The following ITSN2 variants were observed in gnomAD, a reference collection of about 807,000 sequenced individuals.
ITSN2 encodes intersectin-2.
Under a neutral mutation model 243.7 loss-of-function variants are expected in ITSN2, and 156 were observed. The observed-to-expected ratio is 0.64, with a 90% CI of 0.56 to 0.73. ITSN2 has a LOEUF of 0.73. ITSN2 is among the 30% of genes least tolerant of loss of function. The pLI is 0.00. For missense variants in ITSN2, 1,801 were observed against 1,996.1 expected, an observed-to-expected ratio of 0.90 and a Z score of 1.86; for synonymous variants, 703 against 699.9, an observed-to-expected ratio of 1.00 and a Z score of -0.07.
chr2:24,207,896 C>A (rs1045535507), intron 37 of ITSN2, among the ~76,000 whole-genome samples: 3 of 151,666 alleles, frequency 2.0e-5, no homozygotes, highest in Admixed American at 6.6e-5. Context: ...TGAAGGGAGA[C>A]AGACCACAGG....
intron 1 of ITSN2, among the ~76,000 whole-genome samples, chr2:24,354,900 G>C (rs1471602022): frequency 6.6e-6 from 1 of 152,148 alleles, no homozygotes; most frequent in Admixed American, 6.6e-5. Context: ...AGCTCCACAA[G>C]TAAATAAATC....
chr2:24,220,139 C>T (rs1269792672), intron 30 of ITSN2, among the ~76,000 whole-genome samples: 3 of 152,302 alleles, frequency 2.0e-5, no homozygotes, highest in Admixed American at 6.5e-5. Context: ...GGGGAACAGA[C>T]GCAGAAGGAC....
intron 29 of ITSN2, among the ~76,000 whole-genome samples, chr2:24,245,422 C>T (rs1479632971): frequency 6.6e-6 from 1 of 151,244 alleles, no homozygotes; most frequent in Non-Finnish European, 1.5e-5. Flanking sequence ...AATGTAATGG[C>T]TTCTGTACAC....
In ITSN2 at chr2:24,211,555, A is replaced by G. The variant is rs2111882; in HGVS notation, c.4090-608T>C. ...GTGTGTGGTCCCTCCAGAAATTAGGAGCCATCACCAGATGCCCCGTCTGGA... is the reference window on the plus strand; with the variant it reads ...GTGTGTGGTCCCTCCAGAAATTAGGGGCCATCACCAGATGCCCCGTCTGGA... On this transcript the variant is annotated intron_variant, in intron 33 of 39. Transcript: ENST00000355123. The surrounding 1 kb of genome is among the most constrained non-coding windows in gnomAD (Gnocchi z 4.1). Among the ~76,000 whole-genome samples the G allele has an allele frequency of 0.67, 101,784 of 152,074 alleles. 34,411 individuals are homozygous for G. Among genetic ancestry groups the G allele is most frequent in the East Asian group, 0.77 (4,005 of 5,172 alleles).
intron 22 of ITSN2, among the ~76,000 whole-genome samples, chr2:24,259,471 A>G (rs753660840): frequency 2.0e-5 from 3 of 152,230 alleles, no homozygotes; most frequent in South Asian, 2.1e-4. Flanking sequence ...AACATACACA[A>G]TAACTCCACT....
At chr2:24,286,390 G>T (rs373691138) in intron 15 of ITSN2, 39 bp from the exon 16 acceptor site, 3 of 1,585,018 alleles carry the variant, frequency 1.9e-6, no homozygotes, top group Non-Finnish European at 2.6e-6. Flanking sequence ...TTTTGCAGAA[G>T]TTCGTATGTC....
At chr2:24,240,492 TC>T (rs1399262585) in intron 29 of ITSN2, 1 of 152,188 alleles carries the variant, frequency 6.6e-6, no homozygotes, top group Non-Finnish European at 1.5e-5. Flanking sequence ...TCTCCCTACA[TC>T]CTAATAATGT....
chr2:24,292,906 T>A (rs1680446218), intron 15 of ITSN2, among the ~76,000 whole-genome samples: 1 of 152,246 alleles, frequency 6.6e-6, no homozygotes, highest in Non-Finnish European at 1.5e-5. Context: ...TATTGAACTT[T>A]GTAAACAGCC....
At position 24,322,880 on chromosome 2, in the gene ITSN2, TC is replaced by T. The variant is rs573158586; in HGVS notation, c.31+5171del. Among the ~76,000 whole-genome samples the T allele has an allele frequency of 6.1e-4, 86 of 141,910 alleles. 1 individual carries two copies. Among genetic ancestry groups the T allele is most frequent in the Middle Eastern group, 3.5e-3 (1 of 284 alleles). 93.1% of individuals were successfully genotyped at this position (141,910 alleles called of 152,430 possible). On this transcript the variant is annotated intron_variant, in intron 2 of 39. Transcript: ENST00000355123. ...ATTCAACTCAAAAATTAGAAAATAA[TC>T]CCCCCCCTCAAAAAAAAGGAACAAA...
At position 24,325,485 on chromosome 2, in the gene ITSN2, G is replaced by A. The variant is rs141985062; in HGVS notation, c.31+2567C>T. On this transcript the variant is annotated intron_variant, in intron 2 of 39. Coordinates refer to ENST00000355123, the MANE Select transcript of ITSN2 (RefSeq NM_006277.3). ...AGCCAATTTTAAAATAGTTAATTCA[G>A]TCCTGGCTTTCTTATTTAAATATAT... Among the ~76,000 whole-genome samples the A allele has an allele frequency of 1.5e-3, 228 of 151,914 alleles. 1 individual carries two copies. Among genetic ancestry groups the A allele is most frequent in the African/African-American group, 5.2e-3 (214 of 41,200 alleles).
intron 30 of ITSN2, chr2:24,220,361 T>A (rs1216423707): frequency 1.0e-6 from 1 of 985,230 alleles, no homozygotes; most frequent in African/African-American, 1.7e-5. Flanking sequence ...CAAGCACAAA[T>A]CATTTTAAAG....
At chr2:24,289,965 C>T (rs1001767753) in intron 15 of ITSN2, among the ~76,000 whole-genome samples, 1 of 152,066 alleles carries the variant, frequency 6.6e-6, no homozygotes. Context: ...CATAAATGGC[C>T]TTTATTATGT....
chr2:24,351,715 T>C (rs545638776), intron 1 of ITSN2, among the ~76,000 whole-genome samples: 1 of 152,326 alleles, frequency 6.6e-6, no homozygotes, highest in South Asian at 2.1e-4. Flanking sequence ...CATCCCTTTG[T>C]CCAGGGTGTA....
intron 16 of ITSN2, among the ~76,000 whole-genome samples, chr2:24,285,050 C>A (rs1013539268): frequency 1.3e-5 from 2 of 152,030 alleles, no homozygotes; most frequent in Non-Finnish European, 2.9e-5. Flanking sequence ...GCGCATGCCA[C>A]TACGCCCAGC....
intron 1 of ITSN2, among the ~76,000 whole-genome samples, chr2:24,336,848 A>G (rs1441139102): frequency 6.6e-6 from 1 of 152,146 alleles, no homozygotes; most frequent in Non-Finnish European, 1.5e-5. Context: ...TTCCAAAGAA[A>G]ACACTCGATA....
At chr2:24,222,116 G>T (rs2151153923) in intron 29 of ITSN2, among the ~76,000 whole-genome samples, 1 of 152,216 alleles carries the variant, frequency 6.6e-6, no homozygotes, top group South Asian at 2.1e-4. Flanking sequence ...GCCAGGCGTG[G>T]TGGTGGGCGC....
At chr2:24,280,250 C>T (rs1212993618) in intron 17 of ITSN2, among the ~76,000 whole-genome samples, 1 of 152,134 alleles carries the variant, frequency 6.6e-6, no homozygotes, top group African/African-American at 2.4e-5. Context: ...GTGGTTAACC[C>T]CGGTGCTCTA....
intron 2 of ITSN2, among the ~76,000 whole-genome samples, chr2:24,323,771 G>A (rs1039721442): frequency 1.3e-5 from 2 of 152,070 alleles, no homozygotes; most frequent in Non-Finnish European, 2.9e-5. Context: ...TGCCATATTA[G>A]GAGTCCTCAA....
Position 24,295,817 on chromosome 2 carries a change from CATATAA to C in ITSN2, c.1495-19_1495-14del, listed in dbSNP as rs1340175751. On this transcript the variant is annotated splice_polypyrimidine_tract_variant and intron_variant, in intron 13 of 39. Transcript: ENST00000355123. ...GATGTTTGCCATTCTATAGGAAGAT[CATATAA>C]ATATATAGTAACATAAAATGCTAAT... 3 of 1,495,936 alleles carry C rather than the reference CATATAA, an allele frequency of 2.0e-6. No individual in the cohort carries two copies. Among genetic ancestry groups the C allele is most frequent in the Non-Finnish European group, 1.8e-6 (2 of 1,124,540 alleles). 92.7% of individuals were successfully genotyped at this position (1,495,936 alleles called of 1,614,324 possible). A position where few individuals can be genotyped will look rare whatever the true frequency, so the allele number is the denominator to read the frequency against.
Sources: allele counts gnomAD v4.1 joint callset (sites outside exome capture counted in the v4.1 genomes callset), GRCh38; gene constraint gnomAD v4.1.1; non-coding constraint Gnocchi (gnomAD v3.1); transcripts MANE v1.5; gene names NCBI Gene and HGNC (gene_info 2026-07-23, HGNC 2026-07-21).